Variants in SEPTIN9 observed in about 807,000 individuals in gnomAD.
SEPTIN9 encodes septin 9.
In SEPTIN9, 13 loss-of-function variants were observed where a neutral mutation model predicts 56.6. The observed-to-expected ratio is 0.23, with a 90% CI of 0.15 to 0.37. The LOEUF (loss-of-function observed/expected upper bound fraction) is 0.37. Among genes scored for constraint, SEPTIN9 ranks in the 10% least tolerant of loss-of-function variants. The pLI is 1.00. For synonymous variants in SEPTIN9, 332 were observed against 334.1 expected, an observed-to-expected ratio of 0.99 and a Z score of 0.07; for missense variants, 650 against 823.1, an observed-to-expected ratio of 0.79 and a Z score of 2.57.
intron 1 of SEPTIN9, among the ~76,000 whole-genome samples, chr17:77,306,281 G>T (rs1378223442): frequency 6.6e-6 from 1 of 152,190 alleles, no homozygotes; most frequent in Non-Finnish European, 1.5e-5. Flanking sequence ...GACTGGGCTG[G>T]TTATGTGTCC....
chr17:77,349,181 C>T (rs2033980578), intron 2 of SEPTIN9, among the ~76,000 whole-genome samples: 1 of 152,080 alleles, frequency 6.6e-6, no homozygotes, highest in South Asian at 2.1e-4. Context: ...AACTCCTGCC[C>T]AATCTCAACT....
chr17:77,393,868 G>A (rs1035994303), intron 2 of SEPTIN9, among the ~76,000 whole-genome samples: 2 of 152,166 alleles, frequency 1.3e-5, no homozygotes, highest in African/African-American at 4.8e-5. Flanking sequence ...TTACAGGCAT[G>A]AGCCACCGCG....
rs555007538 is a variant in SEPTIN9 at position 77,330,787 on chromosome 17, A to T, written c.76+23590A>T. On this transcript the variant is annotated intron_variant, in intron 2 of 11. Transcript: ENST00000427177. The surrounding 1 kb of genome is among the most constrained non-coding windows in gnomAD (Gnocchi z 4.4). ...GGGAACCCCGGGCCTGGGCCTCTCCATTCTGTGGCGTTGTCTTTCCTCAGA... is the reference window on the plus strand; with the variant it reads ...GGGAACCCCGGGCCTGGGCCTCTCCTTTCTGTGGCGTTGTCTTTCCTCAGA... Among the ~76,000 whole-genome samples the T allele has an allele frequency of 1.3e-5, 2 of 152,326 alleles. No homozygotes were observed. Among genetic ancestry groups the T allele is most frequent in the African/African-American group, 4.8e-5 (2 of 41,580 alleles).
At chr17:77,424,826 G>C (rs1052771016) in intron 3 of SEPTIN9, among the ~76,000 whole-genome samples, 1 of 152,184 alleles carries the variant, frequency 6.6e-6, no homozygotes, top group African/African-American at 2.4e-5. Context: ...GCTGACTGGC[G>C]GTCGCCGGGC....
At chr17:77,334,029 G>A (rs937360969) in intron 2 of SEPTIN9, among the ~76,000 whole-genome samples, 1 of 152,076 alleles carries the variant, frequency 6.6e-6, no homozygotes, top group South Asian at 2.1e-4. Context: ...ACAGGCTTCT[G>A]CTCTTTGTCC....
chr17:77,402,138 C>T lies in SEPTIN9; in HGVS notation c.156C>T (p.Leu52=), dbSNP rs2035920787. The stretch of plus-strand genomic sequence containing the variant: ...CCCGGAGGGTCCAGACTCCCCTACT[C>T]CGAGCCACTGTGGCCAGCTCCACCC... ...TPPRRVQTPL[L]RATVASSTQK... is the part of the protein sequence containing the mutation. Residue 52 remains leucine (L), a synonymous_variant, in exon 3 of 12, where the codon CTC becomes CTT. Transcript: ENST00000427177. The surrounding 1 kb of genome is among the most constrained non-coding windows in gnomAD (Gnocchi z 6.6). The T allele has an allele frequency of 6.2e-7, 1 of 1,613,842 alleles. No individual in the cohort carries two copies. Among genetic ancestry groups the T allele is most frequent in the Non-Finnish European group, 8.5e-7 (1 of 1,179,888 alleles).
At chr17:77,288,003 G>A (rs749127165) in intron 1 of SEPTIN9, 518 of 1,059,742 alleles carry the variant, frequency 4.9e-4, no homozygotes, top group Admixed American at 5.9e-4. Context: ...GTGTCTGGGT[G>A]AGAGGAACCC....
intron 3 of SEPTIN9, among the ~76,000 whole-genome samples, chr17:77,465,506 C>T (rs1050056032): frequency 6.6e-6 from 1 of 152,092 alleles, no homozygotes; most frequent in Non-Finnish European, 1.5e-5. Flanking sequence ...GAGGTTGTCT[C>T]GCCGGCACCG....
chr17:77,460,512 T>C (rs2038419874), intron 3 of SEPTIN9, among the ~76,000 whole-genome samples: 1 of 152,186 alleles, frequency 6.6e-6, no homozygotes, highest in Middle Eastern at 3.2e-3. Context: ...TTGAATTTTT[T>C]CTCATCCCCC....
At chr17:77,379,834 C>T (rs1273124299) in intron 2 of SEPTIN9, among the ~76,000 whole-genome samples, 1 of 152,148 alleles carries the variant, frequency 6.6e-6, no homozygotes, top group Admixed American at 6.5e-5. Context: ...TCCCAGAAAC[C>T]CAGCCAAAAA....
In SEPTIN9 at chr17:77,436,830, G is replaced by A. The variant is rs901519068; in HGVS notation, c.721+34127G>A. Reference sequence around the variant, plus strand: ...TAAGGACACCCAGGAGAGGGCCAGGGTGCCTGTATTTGGGGCACAGCATAA... The same window carrying A: ...TAAGGACACCCAGGAGAGGGCCAGGATGCCTGTATTTGGGGCACAGCATAA... On this transcript the variant is annotated intron_variant, in intron 3 of 11. Transcript: ENST00000427177. This position sits in a 1 kb window ranked among gnomAD's most constrained non-coding sequence, Gnocchi z 4.4. 6.6e-6 allele frequency among the ~76,000 whole-genome samples: 1 copy of A among 152,232 alleles called. No individual in the cohort carries two copies. Among genetic ancestry groups the A allele is most frequent in the Non-Finnish European group, 1.5e-5 (1 of 68,044 alleles).
At chr17:77,336,129 T>G (rs981864432) in intron 2 of SEPTIN9, among the ~76,000 whole-genome samples, 1 of 152,210 alleles carries the variant, frequency 6.6e-6, no homozygotes, top group African/African-American at 2.4e-5. Context: ...ATTCCTTTGC[T>G]GATGCCACAT....
rs1355936417 is a variant in SEPTIN9, at chr17:77,492,140, A to G, written c.1381-481A>G. Among the ~76,000 whole-genome samples the G allele has an allele frequency of 2.6e-5, 4 of 152,188 alleles. No homozygotes were observed. Among genetic ancestry groups the G allele is most frequent in the African/African-American group, 9.7e-5 (4 of 41,450 alleles). On this transcript the variant is annotated intron_variant, in intron 8 of 11. Coordinates refer to ENST00000427177, the MANE Select transcript of SEPTIN9 (RefSeq NM_001113491.2). This position sits in a 1 kb window ranked among gnomAD's most constrained non-coding sequence, Gnocchi z 5.4. ...TGGGTGTGTCTGCCGGAGGCTACAC[A>G]CGGGCTGTGGTCTGTGCCTGGGCAG...
intron 2 of SEPTIN9, among the ~76,000 whole-genome samples, chr17:77,356,876 T>C (rs1598245825): frequency 6.7e-6 from 1 of 149,296 alleles, no homozygotes. Context: ...CTGGCTGTCA[T>C]GACGGACTGT....
rs548407478 is a variant in SEPTIN9 at position 77,458,684 on chromosome 17, G to A, written c.722-23460G>A. Reference sequence around the variant, plus strand: ...TGTTACCAGCTGCGGTGGCTGCCAAGGCCCAACCACATGGCAGCCACGGGC... The same window carrying A: ...TGTTACCAGCTGCGGTGGCTGCCAAAGCCCAACCACATGGCAGCCACGGGC... On this transcript the variant is annotated intron_variant, in intron 3 of 11. Coordinates refer to ENST00000427177, the MANE Select transcript of SEPTIN9 (RefSeq NM_001113491.2). Among the ~76,000 whole-genome samples, 245 of 152,324 alleles carry A rather than the reference G, an allele frequency of 1.6e-3. 1 individual carries two copies. Among genetic ancestry groups the A allele is most frequent in the African/African-American group, 5.5e-3 (228 of 41,578 alleles).
chr17:77,423,642 G>A (rs1185337554), intron 3 of SEPTIN9, among the ~76,000 whole-genome samples: 10 of 152,136 alleles, frequency 6.6e-5, no homozygotes, highest in East Asian at 1.9e-4. Context: ...CCCCTTCCCC[G>A]GCTCCGCGCG....
At chr17:77,486,003 A>G (rs1019466306) in intron 4 of SEPTIN9, among the ~76,000 whole-genome samples, 1 of 151,838 alleles carries the variant, frequency 6.6e-6, no homozygotes, top group African/African-American at 2.4e-5. Context: ...TTTGGTAGAG[A>G]CAGGGTTTCA....
At position 77,499,051 on chromosome 17, in the gene SEPTIN9, T is replaced by G. The variant is rs553551061; in HGVS notation, c.*393T>G. ...GCCTCGCACTTGCAGAGGAGCCCAG[T>G]GGGCTGCACGCTCCCCTCCATCCCC... On this transcript the variant is annotated 3_prime_UTR_variant, in exon 12 of 12. Transcript: ENST00000427177. 89 of 537,034 alleles carry G rather than the reference T, an allele frequency of 1.7e-4. No individual in the cohort carries two copies. The highest frequency in any genetic ancestry group is 1.6e-3 in the African/African-American group (87 of 54,048). The allele number at this position is 537,034 out of a possible 1,614,324, so 33.3% of individuals were successfully genotyped here.
chr17:77,321,623 C>T (rs754302420), intron 2 of SEPTIN9, among the ~76,000 whole-genome samples: 1 of 152,066 alleles, frequency 6.6e-6, no homozygotes, highest in African/African-American at 2.4e-5. Context: ...CTCCTGATCT[C>T]GTGATCCGCC....
Sources: gnomAD v4.1 joint callset for allele counts (sites outside exome capture counted in the v4.1 genomes callset) on GRCh38, gnomAD v4.1.1 for gene constraint, Gnocchi (gnomAD v3.1) non-coding constraint, MANE v1.5 for transcripts, NCBI Gene and HGNC (gene_info 2026-07-23, HGNC 2026-07-21) for gene names.